YPEL1: variants seen among roughly 807,000 people sequenced by gnomAD.
The protein encoded by YPEL1 is yippee like 1, also known as protein yippee-like 1.
In YPEL1, 7 loss-of-function variants were observed where a neutral mutation model predicts 17.3. That is an observed-to-expected ratio of 0.40 (90% CI 0.23 to 0.76). The LOEUF is 0.76. Among genes scored for constraint, YPEL1 ranks in the 30% least tolerant of loss-of-function variants. The pLI is 0.35. For missense variants in YPEL1, 91 were observed against 155.5 expected (o/e 0.59, Z 2.21); for synonymous variants, 59 against 59.6 (o/e 0.99, Z 0.05).
In YPEL1 at chr22:21,728,188, G is replaced by A. The variant is rs534892402; in HGVS notation, c.-165+7427C>T. On this transcript the variant is annotated intron_variant, in intron 1 of 4. Transcript: ENST00000339468. ...TGAGAGGTGGTGGTGTCACCTGCCCGGCCAGCCGTCCCCACAGCTTCTCCA... is the reference window on the plus strand; with the variant it reads ...TGAGAGGTGGTGGTGTCACCTGCCCAGCCAGCCGTCCCCACAGCTTCTCCA... Among the ~76,000 whole-genome samples the A allele has an allele frequency of 5.3e-5, 8 of 152,166 alleles. No individual in the cohort carries two copies. In the South Asian group the frequency reaches 1.5e-3, roughly 28 times the overall value.
intron 2 of YPEL1, among the ~76,000 whole-genome samples, chr22:21,706,691 T>C (rs1201124977): frequency 6.7e-6 from 1 of 150,280 alleles, no homozygotes; most frequent in African/African-American, 2.4e-5. Context: ...ACAAAAAATA[T>C]AAAAATTAGC....
At chr22:21,712,725 C>CA (rs33967845) in intron 1 of YPEL1, among the ~76,000 whole-genome samples, 37,869 of 89,174 alleles carry the variant, frequency 0.42, 6,443 homozygotes, top group East Asian at 0.49. Context: ...GACTACATCT[C>CA]AAAAAAAAAA....
rs2068020450 is a variant in YPEL1, at chr22:21,698,382, A to G, written c.*2747T>C. 1 of 152,346 alleles carries G rather than the reference A, an allele frequency of 6.6e-6. No individual in the cohort carries two copies. Among genetic ancestry groups the G allele is most frequent in the Non-Finnish European group, 1.5e-5 (1 of 68,034 alleles). The allele number at this position is 152,346 out of a possible 1,614,324, so 9.4% of individuals were successfully genotyped here. ...ATAGAAGGAGCAGCGAACTTGCCCA[A>G]AACAGAAAAGCTCTAAATAGAACTT... On this transcript the variant is annotated 3_prime_UTR_variant, in exon 5 of 5. Coordinates refer to ENST00000339468, the MANE Select transcript of YPEL1 (RefSeq NM_013313.5).
chr22:21,717,696 G>GA (rs1228422340), intron 1 of YPEL1, among the ~76,000 whole-genome samples: 2 of 152,192 alleles, frequency 1.3e-5, no homozygotes, highest in Admixed American at 6.5e-5. Context: ...CCAGAGGAAG[G>GA]AAAAATGACC....
intron 1 of YPEL1, among the ~76,000 whole-genome samples, chr22:21,725,790 C>CGA (rs1022356167): frequency 1.1e-4 from 17 of 149,478 alleles, no homozygotes; most frequent in African/African-American, 3.7e-4. Context: ...CCCAGGAGTT[C>CGA]GAGACCAGCC....
chr22:21,703,482 C>A lies in YPEL1; in HGVS notation c.162-4G>T. Reference sequence around the variant, plus strand: ...AGGGCCGCAGCCCACGTTCACCCTGCGGGGACAGAGGGGCCACTGCGCTGC... The same window carrying A: ...AGGGCCGCAGCCCACGTTCACCCTGAGGGGACAGAGGGGCCACTGCGCTGC... On this transcript the variant is annotated splice_region_variant and splice_polypyrimidine_tract_variant and intron_variant, in intron 3 of 4. Coordinates refer to ENST00000339468, the MANE Select transcript of YPEL1 (RefSeq NM_013313.5). The surrounding 1 kb of genome is among the most constrained non-coding windows in gnomAD (Gnocchi z 6.1). The A allele has an allele frequency of 6.2e-7, 1 of 1,606,828 alleles. No homozygotes were observed. Among genetic ancestry groups the A allele is most frequent in the Non-Finnish European group, 8.5e-7 (1 of 1,179,308 alleles).
At chr22:21,708,801 G>C (rs945654311) in intron 2 of YPEL1, among the ~76,000 whole-genome samples, 3 of 151,818 alleles carry the variant, frequency 2.0e-5, no homozygotes, top group Admixed American at 2.0e-4. Flanking sequence ...CAAGTAGCTG[G>C]GATTACAGGC....
intron 1 of YPEL1, among the ~76,000 whole-genome samples, chr22:21,731,968 C>T (rs1171405134): frequency 2.0e-5 from 3 of 152,208 alleles, no homozygotes; most frequent in African/African-American, 7.2e-5. Context: ...AAGCACCTCA[C>T]AAGCCCCACC....
chr22:21,717,299 C>T (rs571056442), intron 1 of YPEL1, among the ~76,000 whole-genome samples: 186 of 151,214 alleles, frequency 1.2e-3, no homozygotes, highest in Middle Eastern at 6.8e-3. Context: ...TTGCTTGAAC[C>T]CGGGAGGCGG....
intron 1 of YPEL1, among the ~76,000 whole-genome samples, chr22:21,726,601 G>A (rs929516351): frequency 5.3e-5 from 8 of 152,266 alleles, no homozygotes; most frequent in Admixed American, 2.6e-4. Flanking sequence ...GAAGCGGTGC[G>A]TCCCCATCAG....
In YPEL1 at chr22:21,718,197, C is replaced by T. The variant is rs371020346; in HGVS notation, c.-164-7289G>A. ...AAGAGTCTGAGTCTGGGTGCAGTGG[C>T]TCATGCCTGTAATCCCAGCACTTTG... On this transcript the variant is annotated intron_variant, in intron 1 of 4. Coordinates refer to ENST00000339468, the MANE Select transcript of YPEL1 (RefSeq NM_013313.5). Among the ~76,000 whole-genome samples, 5 of 151,388 alleles carry T rather than the reference C, an allele frequency of 3.3e-5. No homozygotes were observed. The East Asian group carries it at 9.7e-4, about 29-fold the overall frequency.
intron 1 of YPEL1, among the ~76,000 whole-genome samples, chr22:21,722,445 T>A (rs960964928): frequency 6.7e-6 from 1 of 149,052 alleles, no homozygotes; most frequent in Non-Finnish European, 1.5e-5. Flanking sequence ...AAAACACCTG[T>A]CTCTACTAAA....
chr22:21,734,335 T>C (rs892353950), intron 1 of YPEL1, among the ~76,000 whole-genome samples: 1 of 152,228 alleles, frequency 6.6e-6, no homozygotes, highest in African/African-American at 2.4e-5. Flanking sequence ...TATTGGCAAG[T>C]GTACCACAGC....
In YPEL1 at chr22:21,701,086, C is replaced by T; in HGVS notation, c.*43G>A. On this transcript the variant is annotated 3_prime_UTR_variant, in exon 5 of 5. Transcript: ENST00000339468. ...TACGTTTCCATTACATTCACAGTTT[C>T]TTTCACAAAACAGCATTCAAAGGAG... 1 of 1,559,552 alleles carries T rather than the reference C, an allele frequency of 6.4e-7. No individual in the cohort carries two copies. Among genetic ancestry groups the T allele is most frequent in the Non-Finnish European group, 8.8e-7 (1 of 1,131,448 alleles).
intron 1 of YPEL1, among the ~76,000 whole-genome samples, chr22:21,728,445 C>T (rs1421791739): frequency 6.6e-6 from 1 of 152,202 alleles, no homozygotes; most frequent in Non-Finnish European, 1.5e-5. Flanking sequence ...CCAGCCCTGT[C>T]CTACACTGCT....
Position 21,703,340 on chromosome 22 carries a change from G to A in YPEL1, c.270+30C>T, listed in dbSNP as rs1365233796. The A allele has an allele frequency of 3.1e-6, 5 of 1,600,382 alleles. No individual in the cohort carries two copies. The highest frequency in any genetic ancestry group is 1.6e-4 in the Middle Eastern group (1 of 6,066). Reference sequence around the variant, plus strand: ...TGGCAACTTAGTGCCACATCCCCTTGTGGCACGAGCATCCCCTTGTGGCAC... The same window carrying A: ...TGGCAACTTAGTGCCACATCCCCTTATGGCACGAGCATCCCCTTGTGGCAC... On this transcript the variant is annotated intron_variant, in intron 4 of 4. Coordinates refer to ENST00000339468, the MANE Select transcript of YPEL1 (RefSeq NM_013313.5). This position sits in a 1 kb window ranked among gnomAD's most constrained non-coding sequence, Gnocchi z 6.1.
chr22:21,722,520 G>T (rs973847600), intron 1 of YPEL1, among the ~76,000 whole-genome samples: 5 of 152,072 alleles, frequency 3.3e-5, no homozygotes, highest in Non-Finnish European at 7.4e-5. Flanking sequence ...AGGGGGCTGA[G>T]CCAGGAGAAT....
Position 21,703,239 on chromosome 22 carries a change from C to T in YPEL1, c.270+131G>A, listed in dbSNP as rs373895854. 1.0e-4 allele frequency: 79 copies of T among 769,090 alleles called. No homozygotes were observed. The African/African-American group carries it at 1.0e-3, about 10-fold the overall frequency. The allele number at this position is 769,090 out of a possible 1,614,324, so 47.6% of individuals were successfully genotyped here. On this transcript the variant is annotated intron_variant, in intron 4 of 4. Coordinates refer to ENST00000339468, the MANE Select transcript of YPEL1 (RefSeq NM_013313.5). The surrounding 1 kb of genome is among the most constrained non-coding windows in gnomAD (Gnocchi z 6.1). The stretch of plus-strand genomic sequence containing the variant: ...TCACTGGAGTCTGGACTTCCCACCT[C>T]GGCTGAGGAACTGGGGTTTCTGAAA...
chr22:21,713,532 T>C (rs2148604049), intron 1 of YPEL1, among the ~76,000 whole-genome samples: 1 of 152,136 alleles, frequency 6.6e-6, no homozygotes, highest in African/African-American at 2.4e-5. Flanking sequence ...AAATATTGTA[T>C]GAGGTACTTA....
Sources: gnomAD v4.1 joint callset for allele counts (sites outside exome capture counted in the v4.1 genomes callset) on GRCh38, gnomAD v4.1.1 for gene constraint, Gnocchi (gnomAD v3.1) non-coding constraint, MANE v1.5 for transcripts, NCBI Gene and HGNC (gene_info 2026-07-23, HGNC 2026-07-21) for gene names.